Variants in AGMO observed in about 807,000 individuals in gnomAD.
The protein encoded by AGMO is alkylglycerol monooxygenase.
Under a neutral mutation model 60.2 loss-of-function variants are expected in AGMO, and 75 were observed. The observed-to-expected ratio is 1.25, with a 90% CI of 1.03 to 1.51. The LOEUF (loss-of-function observed/expected upper bound fraction) is 1.51. Among genes scored for constraint, AGMO ranks in the 40% most tolerant of loss-of-function variants. The pLI, the probability that AGMO is intolerant of heterozygous loss-of-function variation, is 0.00. For synonymous variants in AGMO, 261 were observed against 177.1 expected (o/e 1.47, Z -3.76); for missense variants, 763 against 525.5 (o/e 1.45, Z -4.42).
intron 3 of AGMO, among the ~76,000 whole-genome samples, chr7:15,490,034 A>G (rs574190432): frequency 6.6e-6 from 1 of 152,346 alleles, no homozygotes; most frequent in East Asian, 1.9e-4. Context: ...ATGGAAAAAT[A>G]TCTAATTTAA....
intron 12 of AGMO, among the ~76,000 whole-genome samples, chr7:15,223,604 G>T (rs1781986395): frequency 6.6e-6 from 1 of 151,926 alleles, no homozygotes; most frequent in South Asian, 2.1e-4. Flanking sequence ...AGACAGGACA[G>T]AATTTACATG....
chr7:15,128,071 T>C, the AGMO span, among the ~76,000 whole-genome samples: 1 of 152,090 alleles, frequency 6.6e-6, no homozygotes, highest in Non-Finnish European at 1.5e-5. Flanking sequence ...GTTTATTTCC[T>C]CCTCTCTGTT....
At chr7:15,164,325 G>A in the AGMO span, among the ~76,000 whole-genome samples, 1 of 151,952 alleles carries the variant, frequency 6.6e-6, no homozygotes, top group Non-Finnish European at 1.5e-5. Flanking sequence ...TCTGGACATT[G>A]GCCTAGGTAA....
chr7:15,312,921 G>A (rs992291018), intron 12 of AGMO, among the ~76,000 whole-genome samples: 5 of 151,922 alleles, frequency 3.3e-5, no homozygotes, highest in East Asian at 1.9e-4. Flanking sequence ...CACCCACCTC[G>A]GCCTCCCAAA....
At chr7:15,272,700 G>A (rs141319587) in intron 12 of AGMO, among the ~76,000 whole-genome samples, 5,713 of 152,168 alleles carry the variant, frequency 0.038, 182 homozygotes, top group South Asian at 0.092. Flanking sequence ...TTGAGGAATC[G>A]CGACACTGTC....
At chr7:15,238,490 T>C (rs1013439501) in intron 12 of AGMO, among the ~76,000 whole-genome samples, 10 of 151,854 alleles carry the variant, frequency 6.6e-5, no homozygotes, top group African/African-American at 2.2e-4. Context: ...TTGATCATTA[T>C]ACATTATACA....
rs1349276181 is a variant in AGMO at position 15,390,839 on chromosome 7, C to T, written c.742+1G>A. 6.2e-7 allele frequency: 1 copy of T among 1,602,336 alleles called. No individual in the cohort carries two copies. Among genetic ancestry groups the T allele is most frequent in the Admixed American group, 1.7e-5 (1 of 59,564 alleles). ...TTTTGATTTTAATACATTTTACTTA[C>T]CAAAAATTTTATCCCAAATAATAAG... On this transcript the variant is annotated splice_donor_variant, in intron 7 of 12. Coordinates refer to ENST00000342526, the MANE Select transcript of AGMO (RefSeq NM_001004320.2). LOFTEE classifies it high-confidence loss of function.
intron 12 of AGMO, among the ~76,000 whole-genome samples, chr7:15,225,504 C>T (rs751501006): frequency 2.5e-4 from 38 of 151,844 alleles, no homozygotes; most frequent in Non-Finnish European, 5.3e-4. Context: ...TGAAAATTTA[C>T]CATCCTACCA....
chr7:15,550,889 C>T (rs1419057808), intron 2 of AGMO, among the ~76,000 whole-genome samples: 19 of 139,964 alleles, frequency 1.4e-4, no homozygotes, highest in African/African-American at 4.9e-4. Flanking sequence ...GACCAATATC[C>T]TTGATGAACA....
At chr7:15,493,090 A>G (rs1783112121) in intron 3 of AGMO, among the ~76,000 whole-genome samples, 1 of 152,122 alleles carries the variant, frequency 6.6e-6, no homozygotes, top group South Asian at 2.1e-4. Flanking sequence ...AAACATTTTA[A>G]GGCTATAGCT....
chr7:15,392,337 T>C (rs901681188), intron 6 of AGMO, among the ~76,000 whole-genome samples: 1 of 149,036 alleles, frequency 6.7e-6, no homozygotes, highest in South Asian at 2.1e-4. Context: ...TCCCAAAGTG[T>C]TGGGATTACA....
intron 3 of AGMO, among the ~76,000 whole-genome samples, chr7:15,538,470 A>T (rs1784534470): frequency 1.3e-5 from 2 of 152,058 alleles, no homozygotes; most frequent in Admixed American, 1.3e-4. Flanking sequence ...CTAGCCTCAA[A>T]CTATCCTCCT....
chr7:15,185,937 A>G, the AGMO span, among the ~76,000 whole-genome samples: 5 of 152,210 alleles, frequency 3.3e-5, no homozygotes, highest in African/African-American at 1.2e-4. Flanking sequence ...ATGATTTTCA[A>G]AACTCTGTAT....
intron 10 of AGMO, among the ~76,000 whole-genome samples, chr7:15,368,221 A>T (rs1226404857): frequency 1.3e-5 from 2 of 150,962 alleles, no homozygotes; most frequent in African/African-American, 4.9e-5. Flanking sequence ...AGAGCAAGAG[A>T]GTGCTATTAA....
At chr7:15,539,658 A>G (rs1784571359) in intron 3 of AGMO, among the ~76,000 whole-genome samples, 1 of 152,176 alleles carries the variant, frequency 6.6e-6, no homozygotes, top group Non-Finnish European at 1.5e-5. Flanking sequence ...CATATACTCA[A>G]TAACTGGATT....
intron 12 of AGMO, among the ~76,000 whole-genome samples, chr7:15,288,844 T>A (rs1265379009): frequency 2.8e-5 from 4 of 144,984 alleles, no homozygotes; most frequent in South Asian, 2.2e-4. Context: ...TTTAAAAAAA[T>A]AAAAAATAAA....
rs1220268482 is a variant in AGMO at position 15,358,277 on chromosome 7, T to C, written c.1263+7237A>G. 3.1e-5 allele frequency: 11 copies of C among 358,762 alleles called. No homozygotes were observed. In the Admixed American group the frequency reaches 4.1e-4, roughly 13 times the overall value. 22.2% of individuals were successfully genotyped at this position (358,762 alleles called of 1,614,324 possible). ...AAAAATTGAAGAGTCTTAAGGTTGC[T>C]GCTTTGAGTATTGGTTTCTTCTGCA... On this transcript the variant is annotated intron_variant, in intron 12 of 12. Transcript: ENST00000342526.
chr7:15,157,985 C>T, the AGMO span, among the ~76,000 whole-genome samples: 8 of 152,134 alleles, frequency 5.3e-5, no homozygotes, highest in South Asian at 1.5e-3. Flanking sequence ...AAGCAGGATC[C>T]CATTTTTATT....
At chr7:15,371,717 T>A (rs1489205742) in intron 10 of AGMO, among the ~76,000 whole-genome samples, 2 of 151,744 alleles carry the variant, frequency 1.3e-5, no homozygotes, top group Non-Finnish European at 2.9e-5. Context: ...TTTTTGTATT[T>A]TTTTTTGTAG....
Sources: gnomAD v4.1 joint callset for allele counts (sites outside exome capture counted in the v4.1 genomes callset) on GRCh38, gnomAD v4.1.1 for gene constraint, MANE v1.5 for transcripts, NCBI Gene and HGNC (gene_info 2026-07-23, HGNC 2026-07-21) for gene names.